The following SGCG variants were observed in gnomAD, a reference collection of about 807,000 sequenced individuals.
SGCG encodes the protein gamma-sarcoglycan.
Under a neutral mutation model 29.3 loss-of-function variants are expected in SGCG, and 26 were observed. The observed-to-expected ratio is 0.89, with a 90% CI of 0.65 to 1.23. The LOEUF (loss-of-function observed/expected upper bound fraction) is 1.23, where lower values mean the gene tolerates loss of function less well. Ranked by LOEUF, SGCG falls within the 50% of genes most tolerant of loss-of-function variation. The pLI is 0.00. For synonymous variants in SGCG, 145 were observed against 129.7 expected, an observed-to-expected ratio of 1.12 and a Z score of -0.80; for missense variants, 353 against 356.0, an observed-to-expected ratio of 0.99 and a Z score of 0.07.
intron 3 of SGCG, among the ~76,000 whole-genome samples, chr13:23,248,696 A>G (rs997266411): frequency 5.4e-5 from 8 of 149,374 alleles, no homozygotes; most frequent in Non-Finnish European, 7.4e-5. Flanking sequence ...TCCGTCTCAA[A>G]AAGAAAAAAA....
chr13:23,188,351 A>T (rs1877080316), intron 1 of SGCG, among the ~76,000 whole-genome samples: 1 of 113,292 alleles, frequency 8.8e-6, no homozygotes, highest in Admixed American at 1.3e-4. Flanking sequence ...TTGAGATAAG[A>T]GTCTTGCTCT....
At position 23,273,248 on chromosome 13, in the gene SGCG, G is replaced by A. The variant is rs116539484; in HGVS notation, c.386-6111G>A. Among the ~76,000 whole-genome samples the A allele has an allele frequency of 9.0e-3, 1,354 of 151,114 alleles. 18 individuals carry two copies. The highest frequency in any genetic ancestry group is 0.026 in the African/African-American group (1,074 of 41,084). ...TGCCCAGGCTTCAGTACAATGGCAC[G>A]GTCTCAGCTCACTGCAACCTCCGCC... On this transcript the variant is annotated intron_variant, in intron 4 of 7. Coordinates refer to ENST00000218867, the MANE Select transcript of SGCG (RefSeq NM_000231.3).
At chr13:23,228,382 A>T (rs1878980769) in intron 2 of SGCG, among the ~76,000 whole-genome samples, 1 of 152,222 alleles carries the variant, frequency 6.6e-6, no homozygotes, top group South Asian at 2.1e-4. Flanking sequence ...TTATTTAAAT[A>T]ACAGAATCTT....
chr13:23,274,936 T>C (rs560540080), intron 4 of SGCG, among the ~76,000 whole-genome samples: 145 of 152,120 alleles, frequency 9.5e-4, no homozygotes, highest in African/African-American at 3.2e-3. Flanking sequence ...GATTCACTAA[T>C]TGAAATTAGA....
intron 4 of SGCG, among the ~76,000 whole-genome samples, chr13:23,277,353 A>G (rs749720072): frequency 3.3e-5 from 5 of 152,126 alleles, no homozygotes; most frequent in Non-Finnish European, 7.3e-5. Context: ...ATAAACAGGA[A>G]CTCTGAGTCT....
rs147225366 is a variant in SGCG, at chr13:23,269,856, CTTTTTTTTG to C, written c.386-9476_386-9468del. ...GTATTTTGTTTTTTTTTTTGGTTTG[CTTTTTTTTG>C]TTTTTTTTGTTTTTTTTGTTTTTTT... On this transcript the variant is annotated intron_variant, in intron 4 of 7. Coordinates refer to ENST00000218867, the MANE Select transcript of SGCG (RefSeq NM_000231.3). 3.2e-4 allele frequency among the ~76,000 whole-genome samples: 42 copies of C among 131,210 alleles called. 1 individual carries two copies. Among genetic ancestry groups the C allele is most frequent in the East Asian group, 2.5e-3 (11 of 4,416 alleles). 86.1% of individuals were successfully genotyped at this position (131,210 alleles called of 152,430 possible).
At chr13:23,297,433 G>C (rs5023403) in intron 6 of SGCG, among the ~76,000 whole-genome samples, 56,444 of 152,056 alleles carry the variant, frequency 0.37, 11,066 homozygotes, top group East Asian at 0.78. Context: ...AACAGCAAGC[G>C]AGTCATTAGC....
At chr13:23,234,388 T>A (rs187719663) in intron 2 of SGCG, among the ~76,000 whole-genome samples, 10 of 152,280 alleles carry the variant, frequency 6.6e-5, no homozygotes, top group African/African-American at 1.9e-4. Flanking sequence ...AAAATGACTC[T>A]TGAAATTTTA....
At chr13:23,299,204 G>A (rs748435526) in intron 6 of SGCG, among the ~76,000 whole-genome samples, 1 of 151,664 alleles carries the variant, frequency 6.6e-6, no homozygotes, top group Non-Finnish European at 1.5e-5. Context: ...CATCCAGTTT[G>A]CTGTCTCCAC....
rs572841657 is a variant in SGCG, at chr13:23,299,355, TTACTATTCC to T, written c.578+3870_578+3878del. Among the ~76,000 whole-genome samples the T allele has an allele frequency of 5.9e-3, 859 of 144,876 alleles. 12 individuals are homozygous for T. Among genetic ancestry groups the T allele is most frequent in the African/African-American group, 0.021 (829 of 39,234 alleles). On this transcript the variant is annotated intron_variant, in intron 6 of 7. Coordinates refer to ENST00000218867, the MANE Select transcript of SGCG (RefSeq NM_000231.3). ...CTTTTTATTTCTGGTTCCAGCAGCA[TTACTATTCC>T]TGGCCTGATTACAGTAAAAAGATTC...
chr13:23,310,745 A>AC (rs1566042716), intron 6 of SGCG, among the ~76,000 whole-genome samples: 11 of 151,758 alleles, frequency 7.2e-5, no homozygotes, highest in African/African-American at 2.7e-4. Context: ...ATTTCCCCCA[A>AC]TAGTTCTATT....
chr13:23,216,247 T>A (rs1364432336), intron 2 of SGCG, among the ~76,000 whole-genome samples: 1 of 152,178 alleles, frequency 6.6e-6, no homozygotes, highest in African/African-American at 2.4e-5. Context: ...ACTACGGGTG[T>A]ATCTATTTAT....
chr13:23,317,033 G>T (rs1882842745), intron 6 of SGCG, among the ~76,000 whole-genome samples: 1 of 152,044 alleles, frequency 6.6e-6, no homozygotes, highest in Admixed American at 6.6e-5. Flanking sequence ...AGTGAAAGCT[G>T]TCTCTACCAA....
At chr13:23,293,772 A>T (rs1237738594) in intron 5 of SGCG, among the ~76,000 whole-genome samples, 1 of 151,806 alleles carries the variant, frequency 6.6e-6, no homozygotes, top group Non-Finnish European at 1.5e-5. Context: ...CGGAGATTGC[A>T]GTGAGCGGAG....
At chr13:23,308,167 T>C (rs750961849) in intron 6 of SGCG, among the ~76,000 whole-genome samples, 16 of 152,232 alleles carry the variant, frequency 1.1e-4, no homozygotes, top group Non-Finnish European at 2.1e-4. Flanking sequence ...AAAATAAACT[T>C]TCAGGAACTT....
chr13:23,251,227 T>G (rs1200922267), intron 4 of SGCG, among the ~76,000 whole-genome samples: 1 of 152,238 alleles, frequency 6.6e-6, no homozygotes, highest in East Asian at 1.9e-4. Context: ...GATTCTTACC[T>G]GCTCGGCTGT....
At chr13:23,247,529 C>G (rs981454998) in intron 3 of SGCG, among the ~76,000 whole-genome samples, 1 of 152,110 alleles carries the variant, frequency 6.6e-6, no homozygotes, top group African/African-American at 2.4e-5. Context: ...CCTCTGCAGC[C>G]TGCTTTTGAT....
At chr13:23,305,005 ACACACACAC>A (rs1882313045) in intron 6 of SGCG, among the ~76,000 whole-genome samples, 1 of 151,012 alleles carries the variant, frequency 6.6e-6, no homozygotes, top group Admixed American at 6.6e-5. Flanking sequence ...GCTCACACAC[ACACACACAC>A]AAGACTTTGT....
At position 23,192,525 on chromosome 13, in the gene SGCG, C is replaced by G. The variant is rs554445561; in HGVS notation, c.1-11170C>G. Among the ~76,000 whole-genome samples the G allele has an allele frequency of 1.1e-4, 16 of 152,190 alleles. No homozygotes were observed. In the East Asian group the frequency reaches 3.1e-3, roughly 30 times the overall value. On this transcript the variant is annotated intron_variant, in intron 1 of 7. Coordinates refer to ENST00000218867, the MANE Select transcript of SGCG (RefSeq NM_000231.3). The stretch of plus-strand genomic sequence containing the variant: ...TCCCCTGCCTCAGCCTCCCGAGTAG[C>G]CGGGATTACAGGCGCCTGCCACCAC...
Sources: allele counts gnomAD v4.1 joint callset (sites outside exome capture counted in the v4.1 genomes callset), GRCh38; gene constraint gnomAD v4.1.1; transcripts MANE v1.5; gene names NCBI Gene and HGNC (gene_info 2026-07-23, HGNC 2026-07-21).